Variants in KLHL14 observed in about 807,000 individuals in gnomAD.
KLHL14 encodes kelch-like protein 14.
A neutral mutation model predicts 64.3 loss-of-function variants in KLHL14; 22 were observed. That is an observed-to-expected ratio of 0.34 (90% CI 0.24 to 0.49). The LOEUF is 0.49. Ranked by LOEUF, KLHL14 falls within the 20% of genes least tolerant of loss-of-function variation. The pLI, the probability that KLHL14 is intolerant of heterozygous loss-of-function variation, is 0.99. For missense variants in KLHL14, 661 were observed against 789.0 expected (o/e 0.84, Z 1.94); for synonymous variants, 322 against 333.4 (o/e 0.97, Z 0.37).
At chr18:32,747,901 A>C (rs2050231681) in intron 2 of KLHL14, among the ~76,000 whole-genome samples, 1 of 152,220 alleles carries the variant, frequency 6.6e-6, no homozygotes, top group South Asian at 2.1e-4. Context: ...CTATTTTTTA[A>C]CATTTTTTGT....
intron 2 of KLHL14, among the ~76,000 whole-genome samples, chr18:32,767,932 C>T (rs1016782722): frequency 5.3e-5 from 8 of 152,102 alleles, no homozygotes; most frequent in Admixed American, 2.6e-4. Flanking sequence ...ACTGTGTTGT[C>T]TGAATTATTG....
intron 2 of KLHL14, among the ~76,000 whole-genome samples, chr18:32,763,712 C>T (rs1275042849): frequency 1.3e-5 from 2 of 152,104 alleles, no homozygotes; most frequent in African/African-American, 2.4e-5. Flanking sequence ...TTAAAATTAC[C>T]TATATTTTTA....
At chr18:32,752,428 T>A (rs969085713) in intron 2 of KLHL14, among the ~76,000 whole-genome samples, 1 of 152,180 alleles carries the variant, frequency 6.6e-6, no homozygotes, top group African/African-American at 2.4e-5. Context: ...AAATCTAAGC[T>A]GCTATTTTTA....
intron 3 of KLHL14, among the ~76,000 whole-genome samples, chr18:32,733,464 G>T (rs941724967): frequency 6.6e-6 from 1 of 152,156 alleles, no homozygotes; most frequent in South Asian, 2.1e-4. Context: ...TATCAGAAAA[G>T]AAATGTAGCA....
chr18:32,747,673 A>G (rs917866055), intron 2 of KLHL14, among the ~76,000 whole-genome samples: 3 of 152,156 alleles, frequency 2.0e-5, no homozygotes, highest in Non-Finnish European at 2.9e-5. Flanking sequence ...CCAGTTCCTA[A>G]CAGGCCATGG....
At chr18:32,705,504 C>T (rs2049985729) in intron 3 of KLHL14, among the ~76,000 whole-genome samples, 1 of 152,168 alleles carries the variant, frequency 6.6e-6, no homozygotes, top group South Asian at 2.1e-4. Context: ...AGGTGGATCA[C>T]TTGAGGCCAC....
intron 3 of KLHL14, among the ~76,000 whole-genome samples, chr18:32,701,844 A>G (rs1419853581): frequency 6.6e-6 from 1 of 152,192 alleles, no homozygotes; most frequent in Non-Finnish European, 1.5e-5. Context: ...GTGTCCTTGC[A>G]GATACATAAC....
chr18:32,721,216 C>A (rs1306667653), intron 3 of KLHL14, among the ~76,000 whole-genome samples: 8 of 152,118 alleles, frequency 5.3e-5, no homozygotes, highest in African/African-American at 1.7e-4. Context: ...CAGCAGGAGA[C>A]AAAAAAGGGG....
At chr18:32,684,962 G>C (rs2049869299) in intron 5 of KLHL14, among the ~76,000 whole-genome samples, 1 of 152,064 alleles carries the variant, frequency 6.6e-6, no homozygotes, top group South Asian at 2.1e-4. Flanking sequence ...GATTGACGGG[G>C]CATTTGTGAG....
At chr18:32,684,994 G>A (rs886887742) in intron 5 of KLHL14, among the ~76,000 whole-genome samples, 71 of 151,990 alleles carry the variant, frequency 4.7e-4, no homozygotes, top group African/African-American at 1.6e-3. Context: ...CCCACTCAGC[G>A]CTGTAAGGAG....
chr18:32,690,533 A>AG (rs2049902219), intron 4 of KLHL14, among the ~76,000 whole-genome samples: 2 of 152,122 alleles, frequency 1.3e-5, no homozygotes, highest in Admixed American at 1.3e-4. Flanking sequence ...GTTCGAGACC[A>AG]GCCTGGCCAA....
At chr18:32,707,214 T>C (rs2049994866) in intron 3 of KLHL14, among the ~76,000 whole-genome samples, 1 of 152,230 alleles carries the variant, frequency 6.6e-6, no homozygotes, top group African/African-American at 2.4e-5. Context: ...TCTATATCAG[T>C]TGCCTCCTGA....
chr18:32,766,708 T>C (rs1256896968), intron 2 of KLHL14, among the ~76,000 whole-genome samples: 2 of 152,094 alleles, frequency 1.3e-5, no homozygotes, highest in Non-Finnish European at 2.9e-5. Flanking sequence ...GTCCTTATGT[T>C]AAGTTTGGTA....
intron 2 of KLHL14, among the ~76,000 whole-genome samples, chr18:32,754,126 T>G (rs1302987029): frequency 2.0e-5 from 3 of 152,200 alleles, no homozygotes; most frequent in African/African-American, 7.2e-5. Context: ...TGTGGTTCTG[T>G]GCAGCCTGCC....
At chr18:32,721,511 T>A (rs2050079763) in intron 3 of KLHL14, among the ~76,000 whole-genome samples, 1 of 152,254 alleles carries the variant, frequency 6.6e-6, no homozygotes, top group Non-Finnish European at 1.5e-5. Flanking sequence ...ATTATTGATA[T>A]CTACACTCAC....
rs757924252 is a variant in KLHL14, at chr18:32,770,100, C to T, written c.492G>A (p.Leu164=). 5 of 1,614,018 alleles carry T rather than the reference C, an allele frequency of 3.1e-6. No homozygotes were observed. In the African/African-American group the frequency reaches 6.7e-5, roughly 22 times the overall value. Residue 164 remains leucine, a synonymous_variant, in exon 2 of 9, where the codon CTG becomes CTA. Transcript: ENST00000359358. This position sits in a 1 kb window ranked among gnomAD's most constrained non-coding sequence, Gnocchi z 6.7. ...VEEVLSVSKI[L]HIPQVTKLCV... is the part of the protein sequence containing the mutation. ...AGAGCTTGGTGACCTGGGGGATGTG[C>T]AGGATCTTGCTGACCGACAGCACCT...
chr18:32,768,673 T>A (rs2050359832), intron 2 of KLHL14, among the ~76,000 whole-genome samples: 2 of 152,140 alleles, frequency 1.3e-5, no homozygotes, highest in South Asian at 4.1e-4. Context: ...TTAAAAATGG[T>A]TTTAAAATTG....
intron 3 of KLHL14, among the ~76,000 whole-genome samples, chr18:32,730,943 C>G (rs2050134303): frequency 6.6e-6 from 1 of 152,178 alleles, no homozygotes. Flanking sequence ...CAACCAGACA[C>G]AGAGGTATGA....
chr18:32,738,428 G>A (rs1237312569), intron 3 of KLHL14: 1 of 151,996 alleles, frequency 6.6e-6, no homozygotes, highest in East Asian at 1.9e-4. Context: ...GCAGTACTGA[G>A]AAATAAAGAT....
Sources: gnomAD v4.1 joint callset for allele counts (sites outside exome capture counted in the v4.1 genomes callset) on GRCh38, gnomAD v4.1.1 for gene constraint, Gnocchi (gnomAD v3.1) non-coding constraint, MANE v1.5 for transcripts, NCBI Gene and HGNC (gene_info 2026-07-23, HGNC 2026-07-21) for gene names.